Variants in NFIA observed in about 807,000 individuals in gnomAD.
NFIA encodes the protein nuclear factor I A.
A neutral mutation model predicts 62.8 loss-of-function variants in NFIA; 8 were observed. The observed-to-expected ratio is 0.13, with a 90% confidence interval of 0.07 to 0.23. NFIA has a LOEUF of 0.23. Among genes scored for constraint, NFIA ranks in the 10% least tolerant of loss-of-function variants. The probability of loss-of-function intolerance (pLI) is 1.00; values close to 1 mark genes in which losing one functional copy is unlikely to be tolerated. For missense variants in NFIA, 410 were observed against 642.1 expected (o/e 0.64, Z 3.91); for synonymous variants, 235 against 238.1 (o/e 0.99, Z 0.12).
At chr1:61,135,177 C>G (rs1175421689) in intron 2 of NFIA, among the ~76,000 whole-genome samples, 1 of 152,118 alleles carries the variant, frequency 6.6e-6, no homozygotes, top group Non-Finnish European at 1.5e-5. Flanking sequence ...CATTGTAAGA[C>G]TTTAGATTTG....
chr1:61,431,111 G>A (rs1352215155), intron 10 of NFIA, among the ~76,000 whole-genome samples: 1 of 152,132 alleles, frequency 6.6e-6, no homozygotes, highest in Non-Finnish European at 1.5e-5. Context: ...ATGGTATAAT[G>A]TAATGATAGG....
intron 2 of NFIA, among the ~76,000 whole-genome samples, chr1:61,209,327 C>T (rs1382717084): frequency 1.3e-5 from 2 of 152,012 alleles, no homozygotes; most frequent in African/African-American, 4.8e-5. Context: ...CATCAATAGC[C>T]AGCTAGGGTT....
chr1:61,433,356 A>G (rs1667189011), intron 10 of NFIA, among the ~76,000 whole-genome samples: 1 of 152,216 alleles, frequency 6.6e-6, no homozygotes, highest in African/African-American at 2.4e-5. Context: ...CAGATAGCAG[A>G]GCAGCTAAGA....
chr1:61,197,537 A>G (rs895587685), intron 2 of NFIA, among the ~76,000 whole-genome samples: 1 of 150,862 alleles, frequency 6.6e-6, no homozygotes, highest in Non-Finnish European at 1.5e-5. Context: ...GCACCCGGCC[A>G]CTACTCTGGT....
At chr1:61,329,049 C>CTT (rs369972455) in intron 3 of NFIA, among the ~76,000 whole-genome samples, 2,580 of 122,444 alleles carry the variant, frequency 0.021, 56 homozygotes, top group Middle Eastern at 0.041. Context: ...TTCTTTTTTT[C>CTT]TTTTTTTTTT....
Position 61,143,045 on chromosome 1 carries a change from T to C in NFIA, c.559+54365T>C, listed in dbSNP as rs139547069. Among the ~76,000 whole-genome samples, 7 of 152,330 alleles carry C rather than the reference T, an allele frequency of 4.6e-5. No individual in the cohort carries two copies. The East Asian group carries it at 1.4e-3, about 29-fold the overall frequency. On this transcript the variant is annotated intron_variant, in intron 2 of 10. Coordinates refer to ENST00000403491, the MANE Select transcript of NFIA (RefSeq NM_001134673.4). ...CTGGCTTCACCTGTTTACATAACTC[T>C]TGTTGATTCTTGTCCCTAAGCTCTT... is the stretch of plus-strand genomic sequence containing the variant.
Position 61,453,116 on chromosome 1 carries a change from G to A in NFIA, c.1513-2187G>A, listed in dbSNP as rs138852801. Among the ~76,000 whole-genome samples the A allele has an allele frequency of 1.1e-3, 163 of 152,272 alleles. 1 individual carries two copies. Among genetic ancestry groups the A allele is most frequent in the Non-Finnish European group, 2.2e-4 (15 of 68,012 alleles). The stretch of plus-strand genomic sequence containing the variant: ...ACAACAATGTTGGTTTTTGGAGTGG[G>A]GGTCTTGCTTGCTGTGTAGGTCATA... On this transcript the variant is annotated intron_variant, in intron 10 of 10. Coordinates refer to ENST00000403491, the MANE Select transcript of NFIA (RefSeq NM_001134673.4).
At chr1:61,263,321 AC>A (rs1656888958) in intron 2 of NFIA, among the ~76,000 whole-genome samples, 2 of 152,208 alleles carry the variant, frequency 1.3e-5, no homozygotes, top group South Asian at 4.1e-4. Context: ...ACTCACAGCC[AC>A]AGGTTAGTGC....
chr1:61,382,770 A>G (rs1419715721), intron 6 of NFIA, among the ~76,000 whole-genome samples: 1 of 152,026 alleles, frequency 6.6e-6, no homozygotes, highest in Non-Finnish European at 1.5e-5. Flanking sequence ...CTAAGTTGCC[A>G]TTGTTGAGGG....
intron 2 of NFIA, among the ~76,000 whole-genome samples, chr1:61,171,582 T>G (rs146481659): frequency 2.0e-5 from 3 of 152,302 alleles, no homozygotes; most frequent in East Asian, 3.9e-4. Context: ...AGAAGTTTCC[T>G]TATTTAGGAA....
At chr1:61,313,199 A>G (rs1218057643) in intron 3 of NFIA, among the ~76,000 whole-genome samples, 1 of 152,174 alleles carries the variant, frequency 6.6e-6, no homozygotes, top group Non-Finnish European at 1.5e-5. Context: ...TGTTTGATGA[A>G]CCACACTATT....
intron 2 of NFIA, among the ~76,000 whole-genome samples, chr1:61,129,076 C>G (rs1346261792): frequency 2.0e-5 from 3 of 151,646 alleles, no homozygotes; most frequent in Non-Finnish European, 4.4e-5. Context: ...ACGCCCACCA[C>G]CACGCCCGGC....
chr1:61,459,054 A>G lies in NFIA; in HGVS notation c.*3734A>G, dbSNP rs975787334. 3.9e-5 allele frequency: 6 copies of G among 152,282 alleles called. No homozygotes were observed. The highest frequency in any genetic ancestry group is 3.3e-4 in the Admixed American group (5 of 15,300). 9.4% of individuals were successfully genotyped at this position (152,282 alleles called of 1,614,324 possible). A position where few individuals can be genotyped will look rare whatever the true frequency, so the allele number is the denominator to read the frequency against. On this transcript the variant is annotated 3_prime_UTR_variant, in exon 11 of 11. Coordinates refer to ENST00000403491, the MANE Select transcript of NFIA (RefSeq NM_001134673.4). ...ATCAAGCAGGAAAAAAGAAACACCA[A>G]CAGTTGCCAGTGTTTTTGCTTTTTA...
At chr1:61,100,187 CCTT>C (rs1646484003) in intron 2 of NFIA, among the ~76,000 whole-genome samples, 1 of 152,186 alleles carries the variant, frequency 6.6e-6, no homozygotes, top group Non-Finnish European at 1.5e-5. Flanking sequence ...AAGGCCCAAA[CCTT>C]CTTTTTTACA....
chr1:61,274,153 A>AGTACTC (rs1183399649), intron 2 of NFIA, among the ~76,000 whole-genome samples: 11 of 152,332 alleles, frequency 7.2e-5, no homozygotes, highest in African/African-American at 2.6e-4. Flanking sequence ...TCTTTGTCTG[A>AGTACTC]GTACTCCAGC....
In NFIA at chr1:61,401,914, G is replaced by T. The variant is rs139290794; in HGVS notation, c.1076-2190G>T. Among the ~76,000 whole-genome samples the T allele has an allele frequency of 2.0e-3, 302 of 152,106 alleles. 6 individuals carry two copies. The highest frequency in any genetic ancestry group is 0.018 in the Admixed American group (267 of 15,256). ...TTCTTGAAAGCCAATGGCATAATTT[G>T]CAGAGTAAGAGATGACCAGAGCCAT... On this transcript the variant is annotated intron_variant, in intron 7 of 10. Coordinates refer to ENST00000403491, the MANE Select transcript of NFIA (RefSeq NM_001134673.4).
intron 3 of NFIA, among the ~76,000 whole-genome samples, chr1:61,299,049 G>T (rs1288792191): frequency 6.6e-6 from 1 of 152,076 alleles, no homozygotes; most frequent in Non-Finnish European, 1.5e-5. Context: ...TAAAATAATT[G>T]TATACTAGAG....
At chr1:61,326,860 A>G (rs1049924872) in intron 3 of NFIA, among the ~76,000 whole-genome samples, 2 of 152,018 alleles carry the variant, frequency 1.3e-5, no homozygotes, top group Admixed American at 1.3e-4. Context: ...AGGGGATGGC[A>G]GTGAAGCAGT....
intron 2 of NFIA, among the ~76,000 whole-genome samples, chr1:61,184,406 CTTGTT>C (rs1354135426): frequency 6.6e-6 from 1 of 152,238 alleles, no homozygotes; most frequent in Non-Finnish European, 1.5e-5. Context: ...AGTACTTTAC[CTTGTT>C]TTGCATGCCA....
Sources: allele counts gnomAD v4.1 joint callset (sites outside exome capture counted in the v4.1 genomes callset), GRCh38; gene constraint gnomAD v4.1.1; transcripts MANE v1.5; gene names NCBI Gene and HGNC (gene_info 2026-07-23, HGNC 2026-07-21).